RNF152: variants seen among roughly 807,000 people sequenced by gnomAD.
RNF152 encodes ring finger protein 152, also known as E3 ubiquitin-protein ligase RNF152.
Under a neutral mutation model 12.7 loss-of-function variants are expected in RNF152, and 11 were observed. That is an observed-to-expected ratio of 0.86 (90% CI 0.54 to 1.43). RNF152 has a LOEUF of 1.43. Ranked by LOEUF, RNF152 falls within the 40% of genes most tolerant of loss-of-function variation. The pLI is 0.00. For missense variants in RNF152, 255 were observed against 274.8 expected (o/e 0.93, Z 0.51); for synonymous variants, 113 against 120.3 (o/e 0.94, Z 0.40).
intron 1 of RNF152, among the ~76,000 whole-genome samples, chr18:61,836,677 C>A (rs368035264): frequency 1.8e-4 from 27 of 152,058 alleles, no homozygotes; most frequent in East Asian, 1.7e-3. Flanking sequence ...TTTGTTATGG[C>A]AGCCCAAGCT....
chr18:61,857,166 G>T (rs1911262989), intron 1 of RNF152, among the ~76,000 whole-genome samples: 1 of 152,062 alleles, frequency 6.6e-6, no homozygotes, highest in South Asian at 2.1e-4. Flanking sequence ...TATACGTCAG[G>T]GTTCAAGCTC....
At chr18:61,850,258 C>G (rs1320023151) in intron 1 of RNF152, among the ~76,000 whole-genome samples, 2 of 152,348 alleles carry the variant, frequency 1.3e-5, no homozygotes, top group Non-Finnish European at 1.5e-5. Context: ...CGACCTCATA[C>G]AGTTTCTGGC....
At position 61,815,992 on chromosome 18, in the gene RNF152, G is replaced by A. The variant is rs375367742; in HGVS notation, c.472C>T (p.Arg158Trp). 15 of 1,614,104 alleles carry A rather than the reference G, an allele frequency of 9.3e-6. No individual in the cohort carries two copies. The highest frequency in any genetic ancestry group is 1.6e-4 in the Middle Eastern group (1 of 6,062). ...QEAVEEEQDR[R>W]GVVKSSTWSG... ...CAGGTGGAGCTTTTCACCACGCCCC[G>A]CCTGTCCTGCTCCTCCTCCACCGCC... The change falls in exon 2 of 2, where the codon CGG becomes TGG. Residue 158 changes from arginine to tryptophan, a missense_variant. Arg to Trp is a moderately radical substitution (Grantham distance 101, BLOSUM62 -3). Coordinates refer to ENST00000312828, the MANE Select transcript of RNF152 (RefSeq NM_173557.3).
rs375855905 is a variant in RNF152 at position 61,858,985 on chromosome 18, G to A, written c.-136+33810C>T. Among the ~76,000 whole-genome samples, 19 of 151,880 alleles carry A rather than the reference G, an allele frequency of 1.3e-4. No homozygotes were observed. The East Asian group carries it at 1.4e-3, about 11-fold the overall frequency. On this transcript the variant is annotated intron_variant, in intron 1 of 1. Coordinates refer to ENST00000312828, the MANE Select transcript of RNF152 (RefSeq NM_173557.3). Reference sequence around the variant, plus strand: ...GGAAACTCCATGTTTCTTACGCGCCGGGTGATGTCAATATCCAATTACAGG... The same window carrying A: ...GGAAACTCCATGTTTCTTACGCGCCAGGTGATGTCAATATCCAATTACAGG...
intron 1 of RNF152, among the ~76,000 whole-genome samples, chr18:61,876,723 G>A (rs893869861): frequency 1.3e-5 from 2 of 152,150 alleles, no homozygotes; most frequent in Non-Finnish European, 2.9e-5. Flanking sequence ...CCATATAATA[G>A]AGACATTAAT....
At chr18:61,839,819 C>G (rs547469843) in intron 1 of RNF152, among the ~76,000 whole-genome samples, 1 of 152,114 alleles carries the variant, frequency 6.6e-6, no homozygotes, top group East Asian at 1.9e-4. Flanking sequence ...GGCATGAACC[C>G]GGGAGGCAGA....
rs146200073 is a variant in RNF152 at position 61,859,880 on chromosome 18, A to AAAAAGAAAAGAAAAGAAAAGAAAAG, written c.-136+32890_-136+32914dup. ...GACAACAGAGACTCCACCTCAAAGA[A>AAAAAGAAAAGAAAAGAAAAGAAAAG]AAAAGAAAAGAAAAGAAAAGAAAAG... On this transcript the variant is annotated intron_variant, in intron 1 of 1. Transcript: ENST00000312828. 7.9e-4 allele frequency among the ~76,000 whole-genome samples: 120 copies of AAAAAGAAAAGAAAAGAAAAGAAAAG among 151,232 alleles called. 1 individual carries two copies. The highest frequency in any genetic ancestry group is 2.7e-3 in the African/African-American group (111 of 40,602).
chr18:61,826,614 T>A (rs1909681327), intron 1 of RNF152, among the ~76,000 whole-genome samples: 1 of 152,196 alleles, frequency 6.6e-6, no homozygotes, highest in Non-Finnish European at 1.5e-5. Flanking sequence ...ACGTCCATGA[T>A]ACTGAACCTA....
chr18:61,843,300 A>G (rs927943957), intron 1 of RNF152, among the ~76,000 whole-genome samples: 3 of 152,234 alleles, frequency 2.0e-5, no homozygotes, highest in Non-Finnish European at 4.4e-5. Context: ...TTCTCAACTT[A>G]GGCCTCACTA....
At chr18:61,821,407 C>T (rs1253780411) in intron 1 of RNF152, among the ~76,000 whole-genome samples, 1 of 151,902 alleles carries the variant, frequency 6.6e-6, no homozygotes, top group Non-Finnish European at 1.5e-5. Flanking sequence ...TTTTCTGGAG[C>T]GTAATTAGTA....
chr18:61,840,531 T>A (rs147553692), intron 1 of RNF152, among the ~76,000 whole-genome samples: 42 of 152,260 alleles, frequency 2.8e-4, no homozygotes, highest in African/African-American at 9.9e-4. Flanking sequence ...TCTGATTGCA[T>A]CATCCTTGCC....
At chr18:61,855,595 G>A (rs916584227) in intron 1 of RNF152, among the ~76,000 whole-genome samples, 7 of 152,352 alleles carry the variant, frequency 4.6e-5, no homozygotes, top group African/African-American at 1.7e-4. Context: ...GCTTCGCATG[G>A]AGCCAGCACC....
chr18:61,878,938 A>C (rs2144752489), intron 1 of RNF152, among the ~76,000 whole-genome samples: 1 of 152,354 alleles, frequency 6.6e-6, no homozygotes, highest in Middle Eastern at 3.4e-3. Flanking sequence ...CTTACACTAG[A>C]GCTGGAGAGG....
intron 1 of RNF152, among the ~76,000 whole-genome samples, chr18:61,829,587 A>AGATAAG: frequency 7.6e-6 from 1 of 131,608 alleles, no homozygotes; most frequent in Non-Finnish European, 1.7e-5. Context: ...GGAGAGAGAG[A>AGATAAG]GAGAGATAAG....
intron 1 of RNF152, among the ~76,000 whole-genome samples, chr18:61,868,229 G>A (rs1370051711): frequency 6.6e-6 from 1 of 152,186 alleles, no homozygotes; most frequent in Non-Finnish European, 1.5e-5. Flanking sequence ...ATGTTTCAGG[G>A]ATGTTTAAAA....
chr18:61,828,491 C>T (rs1343650025), intron 1 of RNF152, among the ~76,000 whole-genome samples: 1 of 152,154 alleles, frequency 6.6e-6, no homozygotes, highest in African/African-American at 2.4e-5. Flanking sequence ...GTGACACAAT[C>T]ATAGCTCACT....
chr18:61,867,209 C>T (rs1384655734), intron 1 of RNF152, among the ~76,000 whole-genome samples: 1 of 152,290 alleles, frequency 6.6e-6, no homozygotes, highest in South Asian at 2.1e-4. Flanking sequence ...GTAATCCCAA[C>T]ACTTCGGGAG....
chr18:61,858,656 C>T (rs866849342), intron 1 of RNF152, among the ~76,000 whole-genome samples: 1 of 152,136 alleles, frequency 6.6e-6, no homozygotes, highest in South Asian at 2.1e-4. Flanking sequence ...TAGGTCTGGC[C>T]TTGTTCTTAC....
chr18:61,883,625 G>A (rs1912563684), intron 1 of RNF152, among the ~76,000 whole-genome samples: 1 of 152,146 alleles, frequency 6.6e-6, no homozygotes, highest in Non-Finnish European at 1.5e-5. Flanking sequence ...GTTTTAAAAC[G>A]GAAAGTTCCA....
Sources: allele counts gnomAD v4.1 joint callset (sites outside exome capture counted in the v4.1 genomes callset), GRCh38; gene constraint gnomAD v4.1.1; transcripts MANE v1.5; gene names NCBI Gene and HGNC (gene_info 2026-07-23, HGNC 2026-07-21).